The following CRPPA variants were observed in gnomAD, a reference collection of about 807,000 sequenced individuals.
CRPPA encodes D-ribitol-5-phosphate cytidylyltransferase.
CRPPA carries 43 observed loss-of-function variants against 52.0 expected under a neutral mutation model. The ratio of observed to expected loss-of-function variants is 0.83; its 90% CI spans 0.65 to 1.07. The LOEUF is 1.07. Among genes scored for constraint, CRPPA ranks in the 50% least tolerant of loss-of-function variants. The pLI is 0.00. For synonymous variants in CRPPA, 250 were observed against 203.5 expected, an observed-to-expected ratio of 1.23 and a Z score of -1.94; for missense variants, 629 against 551.7, an observed-to-expected ratio of 1.14 and a Z score of -1.40.
At chr7:16,181,335 C>T (rs1300198900) in intron 9 of CRPPA, among the ~76,000 whole-genome samples, 3 of 151,820 alleles carry the variant, frequency 2.0e-5, no homozygotes, top group South Asian at 2.1e-4. Flanking sequence ...CATCAATATC[C>T]ATAATCAGTG....
At chr7:16,344,760 G>A (rs181873419) in intron 3 of CRPPA, among the ~76,000 whole-genome samples, 1 of 151,874 alleles carries the variant, frequency 6.6e-6, no homozygotes, top group Admixed American at 6.6e-5. Flanking sequence ...CGCTTGCTCA[G>A]TCAAAAGAAA....
At chr7:16,264,884 C>T (rs897751902) in intron 6 of CRPPA, among the ~76,000 whole-genome samples, 2 of 152,050 alleles carry the variant, frequency 1.3e-5, no homozygotes, top group Non-Finnish European at 2.9e-5. Context: ...TACCAAGATC[C>T]CTGGGTTTGA....
intron 1 of CRPPA, among the ~76,000 whole-genome samples, chr7:16,408,359 C>A (rs1470375769): frequency 2.6e-5 from 4 of 152,020 alleles, no homozygotes; most frequent in African/African-American, 9.7e-5. Flanking sequence ...GGTAAGCAGG[C>A]AAACAGGCTA....
At position 16,163,795 on chromosome 7, in the gene CRPPA, G is replaced by A. The variant is rs181921310; in HGVS notation, c.1251+52271C>T. ...TATGAAGCTTTGTTTGGCTGCTTAT[G>A]AAATTCTGGGTTGAAAATTATTTTC... On this transcript the variant is annotated intron_variant, in intron 9 of 9. Coordinates refer to ENST00000407010, the MANE Select transcript of CRPPA (RefSeq NM_001101426.4). Among the ~76,000 whole-genome samples, 491 of 152,258 alleles carry A rather than the reference G, an allele frequency of 3.2e-3. 7 individuals carry two copies. Among genetic ancestry groups the A allele is most frequent in the African/African-American group, 0.011 (477 of 41,554 alleles).
In CRPPA at chr7:16,239,559, C is replaced by CAAAAAAAAAAAA. The variant is rs751232682; in HGVS notation, c.1119+18819_1119+18830dup. ...CCATTATTTAAATAGAAGTCAATAG[C>CAAAAAAAAAAAA]AAAAAAAAAAAAAAAAAAAAAAAAA... On this transcript the variant is annotated intron_variant, in intron 8 of 9. Transcript: ENST00000407010. Among the ~76,000 whole-genome samples the CAAAAAAAAAAAA allele has an allele frequency of 7.4e-4, 35 of 47,614 alleles. 4 individuals carry two copies. The highest frequency in any genetic ancestry group is 9.8e-4 in the African/African-American group (13 of 13,286). 31.2% of individuals were successfully genotyped at this position (47,614 alleles called of 152,430 possible).
intron 3 of CRPPA, among the ~76,000 whole-genome samples, chr7:16,356,102 C>A (rs1786288170): frequency 6.6e-6 from 1 of 151,182 alleles, no homozygotes; most frequent in Non-Finnish European, 1.5e-5. Flanking sequence ...CAAATTTATC[C>A]CAAAATCATG....
At chr7:16,256,422 C>T (rs1783641927) in intron 8 of CRPPA, among the ~76,000 whole-genome samples, 1 of 152,182 alleles carries the variant, frequency 6.6e-6, no homozygotes, top group African/African-American at 2.4e-5. Context: ...GGTATACACC[C>T]AAAGGATTAT....
intron 2 of CRPPA, among the ~76,000 whole-genome samples, chr7:16,392,340 A>G (rs957150608): frequency 6.6e-6 from 1 of 152,048 alleles, no homozygotes; most frequent in Non-Finnish European, 1.5e-5. Context: ...TTATATCATC[A>G]CCCATGCAGA....
intron 2 of CRPPA, among the ~76,000 whole-genome samples, chr7:16,401,956 G>C (rs1787827073): frequency 1.3e-5 from 2 of 152,272 alleles, no homozygotes; most frequent in South Asian, 4.1e-4. Flanking sequence ...CAACCTGATA[G>C]TTAGCAATCA....
At chr7:16,393,933 T>C (rs1312412806) in intron 2 of CRPPA, among the ~76,000 whole-genome samples, 1 of 152,022 alleles carries the variant, frequency 6.6e-6, no homozygotes, top group African/African-American at 2.4e-5. Context: ...CCTATAAATA[T>C]AAAAAGATGC....
At chr7:16,186,990 GC>G (rs1781517294) in intron 9 of CRPPA, among the ~76,000 whole-genome samples, 1 of 151,920 alleles carries the variant, frequency 6.6e-6, no homozygotes, top group Non-Finnish European at 1.5e-5. Context: ...TTGCTCATGT[GC>G]AAAGATGAAA....
chr7:16,166,722 T>C (rs1433573691), intron 9 of CRPPA, among the ~76,000 whole-genome samples: 1 of 152,182 alleles, frequency 6.6e-6, no homozygotes, highest in Non-Finnish European at 1.5e-5. Context: ...ATTCTCCTGA[T>C]GACTTTTCAG....
At chr7:16,172,075 T>C (rs1010206587) in intron 9 of CRPPA, among the ~76,000 whole-genome samples, 3 of 152,196 alleles carry the variant, frequency 2.0e-5, no homozygotes, top group African/African-American at 7.2e-5. Flanking sequence ...TTTGCTTCCT[T>C]CCTCAAACAA....
chr7:16,303,805 T>G (rs762788747), intron 4 of CRPPA, among the ~76,000 whole-genome samples: 1 of 152,210 alleles, frequency 6.6e-6, no homozygotes, highest in Non-Finnish European at 1.5e-5. Context: ...TTGTTTCTTT[T>G]GTTTTTAAAC....
intron 9 of CRPPA, among the ~76,000 whole-genome samples, chr7:16,130,303 T>C (rs1210004793): frequency 6.6e-6 from 1 of 152,154 alleles, no homozygotes; most frequent in African/African-American, 2.4e-5. Flanking sequence ...TATCTCTAAA[T>C]AAAGTCTCCA....
intron 8 of CRPPA, among the ~76,000 whole-genome samples, chr7:16,245,276 T>C (rs1783238513): frequency 6.6e-6 from 1 of 152,246 alleles, no homozygotes; most frequent in African/African-American, 2.4e-5. Flanking sequence ...AACTGTGATA[T>C]ATCTAGATTT....
At chr7:16,203,322 G>C (rs1207566341) in intron 9 of CRPPA, among the ~76,000 whole-genome samples, 1 of 152,080 alleles carries the variant, frequency 6.6e-6, no homozygotes, top group East Asian at 1.9e-4. Context: ...ATGAAGTTTG[G>C]GTGGAGCTGA....
At position 16,189,291 on chromosome 7, in the gene CRPPA, G is replaced by C. The variant is rs541647193; in HGVS notation, c.1251+26775C>G. On this transcript the variant is annotated intron_variant, in intron 9 of 9. Coordinates refer to ENST00000407010, the MANE Select transcript of CRPPA (RefSeq NM_001101426.4). ...ATTACTGCAACTCTAGCAGTCTGAG[G>C]CATCACAGAACTGGGTTGGGCACAG... is the stretch of plus-strand genomic sequence containing the variant. Among the ~76,000 whole-genome samples, 4 of 152,236 alleles carry C rather than the reference G, an allele frequency of 2.6e-5. No homozygotes were observed. In the South Asian group the frequency reaches 8.3e-4, roughly 32 times the overall value.
chr7:16,398,234 G>C (rs6976705), intron 2 of CRPPA, among the ~76,000 whole-genome samples: 78 of 43,516 alleles, frequency 1.8e-3, no homozygotes, highest in Non-Finnish European at 5.5e-4. Context: ...TAACGTGACT[G>C]ACACGTGACC....
Sources: gnomAD v4.1 joint callset for allele counts (sites outside exome capture counted in the v4.1 genomes callset) on GRCh38, gnomAD v4.1.1 for gene constraint, MANE v1.5 for transcripts, NCBI Gene and HGNC (gene_info 2026-07-23, HGNC 2026-07-21) for gene names.